The following SGMS2 variants were observed in gnomAD, a reference collection of about 807,000 sequenced individuals.
SGMS2 encodes phosphatidylcholine:ceramide cholinephosphotransferase 2.
SGMS2 carries 21 observed loss-of-function variants against 43.8 expected under a neutral mutation model. The ratio of observed to expected loss-of-function variants is 0.48; its 90% CI spans 0.34 to 0.69. The LOEUF (loss-of-function observed/expected upper bound fraction) is 0.69, where lower values mean the gene tolerates loss of function less well. Among genes scored for constraint, SGMS2 ranks in the 30% least tolerant of loss-of-function variants. The pLI is 0.01. For synonymous variants in SGMS2, 167 were observed against 160.6 expected, an observed-to-expected ratio of 1.04 and a Z score of -0.30; for missense variants, 384 against 443.2, an observed-to-expected ratio of 0.87 and a Z score of 1.20.
At chr4:107,878,137 A>G (rs1253804094) in intron 2 of SGMS2, among the ~76,000 whole-genome samples, 3 of 152,020 alleles carry the variant, frequency 2.0e-5, no homozygotes, top group African/African-American at 7.2e-5. Flanking sequence ...GATGATCTCA[A>G]TATCCTGACC....
At chr4:107,843,681 C>T (rs1726647712) in intron 1 of SGMS2, among the ~76,000 whole-genome samples, 2 of 152,144 alleles carry the variant, frequency 1.3e-5, no homozygotes, top group South Asian at 4.1e-4. Context: ...CAACAGAGTG[C>T]TGTGTTATGA....
At chr4:107,899,470 T>A (rs1730940395) in intron 3 of SGMS2, 105 bp from the exon 4 acceptor site, 1 of 788,754 alleles carries the variant, frequency 1.3e-6, no homozygotes, top group Non-Finnish European at 2.1e-6. Context: ...GTTAATGCCA[T>A]TCTGTACTGA....
At chr4:107,902,627 T>TC (rs1731222874) in intron 4 of SGMS2, among the ~76,000 whole-genome samples, 1 of 152,202 alleles carries the variant, frequency 6.6e-6, no homozygotes, top group South Asian at 2.1e-4. Flanking sequence ...ACACAGGCTA[T>TC]TTCTTTAGGG....
chr4:107,864,664 A>G (rs1017253656), intron 2 of SGMS2, among the ~76,000 whole-genome samples: 1 of 152,234 alleles, frequency 6.6e-6, no homozygotes, highest in African/African-American at 2.4e-5. Context: ...ACATGATATA[A>G]TGATTTATTT....
At chr4:107,885,996 A>G (rs1041034703) in intron 2 of SGMS2, among the ~76,000 whole-genome samples, 1 of 152,174 alleles carries the variant, frequency 6.6e-6, no homozygotes, top group Non-Finnish European at 1.5e-5. Flanking sequence ...ATATTCATAC[A>G]TGGGAAGCTG....
At chr4:107,826,881 A>G (rs1240907720) in intron 1 of SGMS2, among the ~76,000 whole-genome samples, 1 of 152,198 alleles carries the variant, frequency 6.6e-6, no homozygotes. Context: ...CCATAACTAT[A>G]ACAACTTACA....
chr4:107,889,889 G>A (rs1345864824), intron 2 of SGMS2, among the ~76,000 whole-genome samples: 1 of 152,156 alleles, frequency 6.6e-6, no homozygotes, highest in Non-Finnish European at 1.5e-5. Context: ...ATTGCATAAG[G>A]AGACCAATTT....
At chr4:107,828,248 A>G (rs1725706361) in intron 1 of SGMS2, among the ~76,000 whole-genome samples, 2 of 152,164 alleles carry the variant, frequency 1.3e-5, no homozygotes, top group African/African-American at 4.8e-5. Context: ...ACAGCTAACG[A>G]GTATTGATCT....
At position 107,895,488 on chromosome 4, in the gene SGMS2, A is replaced by G; in HGVS notation, c.-66A>G. On this transcript the variant is annotated 5_prime_UTR_variant, in exon 3 of 7. Transcript: ENST00000690982. ...GATCTTGGAAATAGAAGGATTGAAAAAAGCTAAATTTCCACAAAGAACAAG... is the reference window on the plus strand; with the variant it reads ...GATCTTGGAAATAGAAGGATTGAAAGAAGCTAAATTTCCACAAAGAACAAG... 6.7e-7 allele frequency: 1 copy of G among 1,498,584 alleles called. No homozygotes were observed. Among genetic ancestry groups the G allele is most frequent in the Non-Finnish European group, 9.0e-7 (1 of 1,113,206 alleles). 92.8% of individuals were successfully genotyped at this position (1,498,584 alleles called of 1,614,324 possible).
intron 1 of SGMS2, among the ~76,000 whole-genome samples, chr4:107,839,854 T>C (rs758485937): frequency 1.3e-5 from 2 of 152,186 alleles, no homozygotes; most frequent in Non-Finnish European, 2.9e-5. Context: ...TATTGTTCCA[T>C]CTGATTTCTA....
chr4:107,878,574 C>G (rs1729102043), intron 2 of SGMS2, among the ~76,000 whole-genome samples: 1 of 152,166 alleles, frequency 6.6e-6, no homozygotes, highest in South Asian at 2.1e-4. Context: ...TCTAGTTAAT[C>G]TACCTACCTA....
At chr4:107,882,217 A>G (rs977166048) in intron 2 of SGMS2, among the ~76,000 whole-genome samples, 2 of 152,202 alleles carry the variant, frequency 1.3e-5, no homozygotes, top group African/African-American at 4.8e-5. Flanking sequence ...ACTAACTAAC[A>G]TTCCCACCAA....
intron 4 of SGMS2, 82 bp downstream of exon 4, chr4:107,899,774 A>G (rs1221761545): frequency 8.7e-6 from 7 of 807,530 alleles, no homozygotes; most frequent in Admixed American, 5.3e-5. Context: ...ATTCTTCTAG[A>G]CACTTCCCTA....
At chr4:107,845,006 G>A (rs1393295260) in intron 1 of SGMS2, among the ~76,000 whole-genome samples, 1 of 152,166 alleles carries the variant, frequency 6.6e-6, no homozygotes, top group Non-Finnish European at 1.5e-5. Context: ...AGGCTTGGAA[G>A]TCTTCTTCCC....
intron 2 of SGMS2, among the ~76,000 whole-genome samples, chr4:107,883,010 A>T (rs975103059): frequency 3.3e-5 from 5 of 152,170 alleles, no homozygotes; most frequent in Admixed American, 6.5e-5. Context: ...AAAATCTCTT[A>T]ATTTTAAAAT....
Position 107,895,493 on chromosome 4 carries a change from T to G in SGMS2, c.-61T>G. On this transcript the variant is annotated 5_prime_UTR_variant, in exon 3 of 7. Coordinates refer to ENST00000690982, the MANE Select transcript of SGMS2 (RefSeq NM_001375905.1). Reference sequence around the variant, plus strand: ...TGGAAATAGAAGGATTGAAAAAAGCTAAATTTCCACAAAGAACAAGAACTT... The same window carrying G: ...TGGAAATAGAAGGATTGAAAAAAGCGAAATTTCCACAAAGAACAAGAACTT... The G allele has an allele frequency of 6.6e-7, 1 of 1,516,676 alleles. No individual in the cohort carries two copies. The highest frequency in any genetic ancestry group is 1.4e-5 in the African/African-American group (1 of 71,594). 94.0% of individuals were successfully genotyped at this position (1,516,676 alleles called of 1,614,324 possible). A position where few individuals can be genotyped will look rare whatever the true frequency, so the allele number is the denominator to read the frequency against.
At chr4:107,827,886 T>A (rs1725682352) in intron 1 of SGMS2, among the ~76,000 whole-genome samples, 1 of 152,152 alleles carries the variant, frequency 6.6e-6, no homozygotes, top group Non-Finnish European at 1.5e-5. Flanking sequence ...CTCGGGAGGC[T>A]GACGCAGGAG....
chr4:107,901,901 T>C (rs373534312), intron 4 of SGMS2, among the ~76,000 whole-genome samples: 14 of 151,344 alleles, frequency 9.3e-5, no homozygotes, highest in East Asian at 3.9e-4. Flanking sequence ...CTTACCTCCT[T>C]CTTCTTCTTT....
In SGMS2 at chr4:107,910,572, C is replaced by A; in HGVS notation, c.*19C>A. On this transcript the variant is annotated 3_prime_UTR_variant, in exon 7 of 7. Coordinates refer to ENST00000690982, the MANE Select transcript of SGMS2 (RefSeq NM_001375905.1). ...GACCTGAGGAGCAAAACAAAGGCAT[C>A]AGCTCTTACACCAAAAGAGTTAACG... 1 of 1,609,450 alleles carries A rather than the reference C, an allele frequency of 6.2e-7. No homozygotes were observed. The highest frequency in any genetic ancestry group is 8.5e-7 in the Non-Finnish European group (1 of 1,176,596).
Sources: allele counts gnomAD v4.1 joint callset (sites outside exome capture counted in the v4.1 genomes callset), GRCh38; gene constraint gnomAD v4.1.1; transcripts MANE v1.5; gene names NCBI Gene and HGNC (gene_info 2026-07-23, HGNC 2026-07-21).